CACNA1S: variants seen among roughly 807,000 people sequenced by gnomAD.
CACNA1S encodes calcium voltage-gated channel subunit alpha1 S.
A neutral mutation model predicts 207.4 loss-of-function variants in CACNA1S; 126 were observed. That is an observed-to-expected ratio of 0.61 (90% CI 0.53 to 0.70). The LOEUF (loss-of-function observed/expected upper bound fraction) is 0.70, where lower values mean the gene tolerates loss of function less well. Ranked by LOEUF, CACNA1S falls within the 30% of genes least tolerant of loss-of-function variation. CACNA1S has a pLI of 0.00. For missense variants in CACNA1S, 2,349 were observed against 2,422.8 expected (o/e 0.97, Z 0.64); for synonymous variants, 960 against 932.7 (o/e 1.03, Z -0.53).
At chr1:201,105,112 G>T (rs1006412327) in intron 2 of CACNA1S, among the ~76,000 whole-genome samples, 1 of 152,214 alleles carries the variant, frequency 6.6e-6, no homozygotes, top group Non-Finnish European at 1.5e-5. Flanking sequence ...ATTAAGAAAA[G>T]TTAGGGGTTT....
In CACNA1S at chr1:201,053,259, C is replaced by T. The variant is rs138144724; in HGVS notation, c.3811G>A (p.Ala1271Thr). ...AAGAAGAGCATGACGATGAGCAGAG[C>T]CACGTAGGGTAGGGCCTGCAGGGCG... Reference protein sequence around the residue: ...IKSFQALPYVALLIVMLFFIY... With the variant: ...IKSFQALPYVTLLIVMLFFIY... The change falls in exon 31 of 44, where the codon GCT becomes ACT. Residue 1271 changes from alanine to threonine, a missense_variant. Physicochemically the swap from Ala to Thr is moderately conservative, Grantham distance 58. Coordinates refer to ENST00000362061, the MANE Select transcript of CACNA1S (RefSeq NM_000069.3). This position sits in a 1 kb window ranked among gnomAD's most constrained non-coding sequence, Gnocchi z 5.1. 1,688 of 1,614,196 alleles carry T rather than the reference C, an allele frequency of 1.0e-3. 17 individuals carry two copies. In the African/African-American group the frequency reaches 0.02, roughly 19 times the overall value.
Position 201,066,790 on chromosome 1 carries a change from G to T in CACNA1S, c.2657+97C>A. On this transcript the variant is annotated intron_variant, in intron 20 of 43. Coordinates refer to ENST00000362061, the MANE Select transcript of CACNA1S (RefSeq NM_000069.3). The surrounding 1 kb of genome is among the most constrained non-coding windows in gnomAD (Gnocchi z 4.3). Reference sequence around the variant, plus strand: ...GGCCCCGAGAGACCCTCCTCTTGTGGCAGGGGCCCACCAACATGGGTGGGA... The same window carrying T: ...GGCCCCGAGAGACCCTCCTCTTGTGTCAGGGGCCCACCAACATGGGTGGGA... 2 of 890,036 alleles carry T rather than the reference G, an allele frequency of 2.2e-6. No homozygotes were observed. The highest frequency in any genetic ancestry group is 3.7e-6 in the Non-Finnish European group (2 of 546,282). 55.1% of individuals were successfully genotyped at this position (890,036 alleles called of 1,614,324 possible). A position where few individuals can be genotyped will look rare whatever the true frequency, so the allele number is the denominator to read the frequency against.
rs1333805431 is a variant in CACNA1S, at chr1:201,050,927, C to A, written c.4113+57G>T. On this transcript the variant is annotated intron_variant, in intron 33 of 43. Transcript: ENST00000362061. ...GGCCAGGAAGGGGCAGGCAGGCTCC[C>A]CCATGCCTCAGCTTATCAAAGCCCT... The A allele has an allele frequency of 8.9e-6, 14 of 1,566,666 alleles. No individual in the cohort carries two copies. In the Admixed American group the frequency reaches 2.3e-4, roughly 26 times the overall value.
intron 22 of CACNA1S, among the ~76,000 whole-genome samples, chr1:201,064,812 G>A (rs1661185720): frequency 6.6e-6 from 1 of 152,226 alleles, no homozygotes. Flanking sequence ...GTTCTCCTAG[G>A]AAAATGAGAA....
At chr1:201,106,157 C>A (rs547653867) in intron 2 of CACNA1S, among the ~76,000 whole-genome samples, 1 of 151,930 alleles carries the variant, frequency 6.6e-6, no homozygotes, top group Admixed American at 6.6e-5. Context: ...CCCCCTCCCC[C>A]ACACCTCCAT....
chr1:201,095,149 TA>T (rs1662374294), intron 2 of CACNA1S, among the ~76,000 whole-genome samples: 4 of 151,578 alleles, frequency 2.6e-5, no homozygotes, highest in African/African-American at 7.3e-5. Flanking sequence ...TGTGTATACA[TA>T]TATATACATA....
intron 38 of CACNA1S, among the ~76,000 whole-genome samples, chr1:201,044,976 A>G (rs1364503166): frequency 6.6e-6 from 1 of 152,190 alleles, no homozygotes; most frequent in Non-Finnish European, 1.5e-5. Context: ...AATTGTTCCA[A>G]TTGAGTCATC....
intron 2 of CACNA1S, among the ~76,000 whole-genome samples, chr1:201,098,831 C>A (rs1572068176): frequency 1.3e-5 from 2 of 152,172 alleles, no homozygotes; most frequent in African/African-American, 4.8e-5. Flanking sequence ...CACCCCCCAA[C>A]AAGGGCCTTT....
At chr1:201,095,825 C>A (rs1414783168) in intron 2 of CACNA1S, among the ~76,000 whole-genome samples, 1 of 152,164 alleles carries the variant, frequency 6.6e-6, no homozygotes, top group East Asian at 1.9e-4. Flanking sequence ...GGTCTTGGCA[C>A]CCTCCCTGGC....
chr1:201,041,534 G>T lies in CACNA1S; in HGVS notation c.5104C>A (p.Arg1702=), dbSNP rs550371466. Residue 1702 remains arginine, a synonymous_variant, in exon 41 of 44, where the codon CGA becomes AGA. Coordinates refer to ENST00000362061, the MANE Select transcript of CACNA1S (RefSeq NM_000069.3). ...ACCCTGCAGGGTTGGCCAAGGGCTC[G>T]TCCTCTGGTAGCAGGCGTCTCTGTC... is the stretch of plus-strand genomic sequence containing the variant. The part of the protein sequence containing the change: ...EETETPATRG[R]ALGQPCRVLG... 3.3e-5 allele frequency: 53 copies of T among 1,613,948 alleles called. No individual in the cohort carries two copies. The highest frequency in any genetic ancestry group is 4.4e-5 in the Non-Finnish European group (52 of 1,179,916).
In CACNA1S at chr1:201,107,625, G is replaced by T. The variant is rs565008798; in HGVS notation, c.258+2539C>A. ...AGGCCTCCTTTCTTGAAAGCTACGG[G>T]TTATTCTGGATGACTGGAAAGACCC... is the stretch of plus-strand genomic sequence containing the variant. On this transcript the variant is annotated intron_variant, in intron 2 of 43. Coordinates refer to ENST00000362061, the MANE Select transcript of CACNA1S (RefSeq NM_000069.3). Among the ~76,000 whole-genome samples the T allele has an allele frequency of 2.6e-5, 4 of 152,286 alleles. No individual in the cohort carries two copies. In the South Asian group the frequency reaches 6.2e-4, roughly 24 times the overall value.
chr1:201,083,305 C>G lies in CACNA1S; in HGVS notation c.1250G>C (p.Trp417Ser), dbSNP rs1408599737. Reference sequence around the variant, plus strand: ...GCACTTCCAGCGAAAGATGCGGTTCCACTGCCTCCAATGTCGGCTGAGGGA... The same window carrying G: ...GCACTTCCAGCGAAAGATGCGGTTCGACTGCCTCCAATGTCGGCTGAGGGA... ...IIQFIRHWRQ[W>S]NRIFRWKCHD... Residue 417 changes from tryptophan (W) to serine (S), a missense_variant, in exon 10 of 44, where the codon TGG (tryptophan) becomes TCG (serine). By Grantham distance (177) the Trp-to-Ser change is radical. Coordinates refer to ENST00000362061, the MANE Select transcript of CACNA1S (RefSeq NM_000069.3). 8 of 1,614,206 alleles carry G rather than the reference C, an allele frequency of 5.0e-6. No individual in the cohort carries two copies. In the South Asian group the frequency reaches 8.8e-5, roughly 18 times the overall value.
intron 5 of CACNA1S, 52 bp from the exon 6 acceptor site, chr1:201,089,515 G>T: frequency 1.3e-6 from 2 of 1,558,654 alleles, no homozygotes; most frequent in South Asian, 1.1e-5. Context: ...GGTGGACAAC[G>T]ACAGGAGGAA....
chr1:201,040,602 C>T lies in CACNA1S; in HGVS notation c.5226+20G>A. 5 of 1,608,380 alleles carry T rather than the reference C, an allele frequency of 3.1e-6. No homozygotes were observed. The highest frequency in any genetic ancestry group is 1.1e-5 in the South Asian group (1 of 90,902). ...AGGGTCTCTGTATGGAGTTTGCTCCCAGGCCTCTGCCACTGTTACCTGGCA... is the reference window on the plus strand; with the variant it reads ...AGGGTCTCTGTATGGAGTTTGCTCCTAGGCCTCTGCCACTGTTACCTGGCA... On this transcript the variant is annotated intron_variant, in intron 42 of 43. Coordinates refer to ENST00000362061, the MANE Select transcript of CACNA1S (RefSeq NM_000069.3).
chr1:201,043,216 C>G, intron 40 of CACNA1S, 65 bp downstream of exon 40: 1 of 1,610,900 alleles, frequency 6.2e-7, no homozygotes, highest in South Asian at 1.1e-5. Context: ...CCAATCCAAC[C>G]TGGAACCTGC....
chr1:201,066,896 A>G lies in CACNA1S; in HGVS notation c.2648T>C (p.Met883Thr), dbSNP rs753318591. 1.2e-6 allele frequency: 2 copies of G among 1,612,594 alleles called. No homozygotes were observed. Among genetic ancestry groups the G allele is most frequent in the East Asian group, 2.2e-5 (1 of 44,864 alleles). The change falls in exon 20 of 44, where the codon ATG becomes ACG. Residue 883 changes from methionine to threonine, a missense_variant. By Grantham distance (81) the Met-to-Thr change is moderately conservative. Transcript: ENST00000362061. The surrounding 1 kb of genome is among the most constrained non-coding windows in gnomAD (Gnocchi z 4.3). Reference sequence around the variant, plus strand: ...CCTTGCCGCTGCTCACTCAAGTCCCATGGAGATGAGGGACACGGCCACCAC... The same window carrying G: ...CCTTGCCGCTGCTCACTCAAGTCCCGTGGAGATGAGGGACACGGCCACCAC... Reference protein sequence around the residue: ...LLVVAVSLISMGLESSAISVV... With the variant: ...LLVVAVSLISTGLESSAISVV...
Position 201,089,390 on chromosome 1 carries a change from G to T in CACNA1S, c.768C>A (p.Ile256=). The T allele has an allele frequency of 1.2e-6, 2 of 1,614,236 alleles. No homozygotes were observed. Among genetic ancestry groups the T allele is most frequent in the Non-Finnish European group, 8.5e-7 (1 of 1,180,050 alleles). Residue 256 remains isoleucine, a synonymous_variant, in exon 6 of 44, where the codon ATC becomes ATA. Transcript: ENST00000362061. The part of the protein sequence containing the change: ...ARTGSGRRCT[I]NGSECRGGWP... ...AGCCGCCCCGGCACTCACTGCCATTGATGGTGCACCGGCGCCCTGAGCCCG... is the reference window on the plus strand; with the variant it reads ...AGCCGCCCCGGCACTCACTGCCATTTATGGTGCACCGGCGCCCTGAGCCCG...
intron 10 of CACNA1S, 141 bp downstream of exon 10, chr1:201,083,021 C>T (rs1661893608): frequency 2.2e-6 from 2 of 901,932 alleles, no homozygotes; most frequent in Non-Finnish European, 1.8e-6. Context: ...TAATCCAGCA[C>T]TCATGGTCCA....
intron 12 of CACNA1S, 62 bp from the exon 13 acceptor site, chr1:201,075,677 A>AC: frequency 1.9e-6 from 3 of 1,559,632 alleles, no homozygotes; most frequent in Non-Finnish European, 2.6e-6. Context: ...TTCTATTGGG[A>AC]CCGCATTGAC....
Sources: gnomAD v4.1 joint callset for allele counts (sites outside exome capture counted in the v4.1 genomes callset) on GRCh38, gnomAD v4.1.1 for gene constraint, Gnocchi (gnomAD v3.1) non-coding constraint, MANE v1.5 for transcripts, NCBI Gene and HGNC (gene_info 2026-07-23, HGNC 2026-07-21) for gene names.